OSER1: variants seen among roughly 807,000 people sequenced by gnomAD.
OSER1 encodes the protein oxidative stress responsive serine rich 1.
A neutral mutation model predicts 26.3 loss-of-function variants in OSER1; 15 were observed. That is an observed-to-expected ratio of 0.57 (90% confidence interval 0.38 to 0.88). The LOEUF (loss-of-function observed/expected upper bound fraction) is 0.88, where lower values mean the gene tolerates loss of function less well. Ranked by LOEUF, OSER1 falls within the 40% of genes least tolerant of loss-of-function variation. The probability of loss-of-function intolerance (pLI) is 0.00; values close to 1 mark genes in which losing one functional copy is unlikely to be tolerated. For synonymous variants in OSER1, 127 were observed against 128.2 expected, an observed-to-expected ratio of 0.99 and a Z score of 0.07; for missense variants, 313 against 353.9, an observed-to-expected ratio of 0.88 and a Z score of 0.93.
intron 1 of OSER1, chr20:44,207,544 T>G (rs1266252197): frequency 6.6e-6 from 1 of 152,326 alleles, no homozygotes; most frequent in Non-Finnish European, 1.5e-5. Flanking sequence ...GAATTAGAAA[T>G]GCACTCTACC....
At chr20:44,201,269 T>C (rs1171400026) in intron 3 of OSER1, among the ~76,000 whole-genome samples, 1 of 152,202 alleles carries the variant, frequency 6.6e-6, no homozygotes, top group Non-Finnish European at 1.5e-5. Flanking sequence ...CACTATACCA[T>C]TCTGTCTAAC....
rs1279155269 is a variant in OSER1 at position 44,209,304 on chromosome 20, C to G, written c.-42+1392G>C. Among the ~76,000 whole-genome samples, 3 of 152,158 alleles carry G rather than the reference C, an allele frequency of 2.0e-5. No homozygotes were observed. The East Asian group carries it at 5.8e-4, about 29-fold the overall frequency. Reference sequence around the variant, plus strand: ...GTCTAAACCATTTTCAGACTTCCAGCATTTTTTTACTACTCACTTTTTTTC... The same window carrying G: ...GTCTAAACCATTTTCAGACTTCCAGGATTTTTTTACTACTCACTTTTTTTC... On this transcript the variant is annotated intron_variant, in intron 1 of 3. Transcript: ENST00000255174.
chr20:44,203,544 A>C (rs907990831), intron 2 of OSER1, among the ~76,000 whole-genome samples: 3 of 152,236 alleles, frequency 2.0e-5, no homozygotes, highest in African/African-American at 7.2e-5. Context: ...ACTCAGAGTT[A>C]AATCCTTGCG....
chr20:44,207,824 T>A lies in OSER1; in HGVS notation c.-41-826A>T, dbSNP rs568019597. Among the ~76,000 whole-genome samples the A allele has an allele frequency of 2.5e-3, 377 of 152,318 alleles. 2 individuals carry two copies. Among genetic ancestry groups the A allele is most frequent in the Admixed American group, 0.011 (162 of 15,296 alleles). On this transcript the variant is annotated intron_variant, in intron 1 of 3. Transcript: ENST00000255174. ...GTTTGATTAATCAAAGTCCTCCATA[T>A]TTTCCACCTGATTTTTATATTTAAA...
At chr20:44,207,419 TTAAGTA>T (rs1406139393) in intron 1 of OSER1, 3 of 157,356 alleles carry the variant, frequency 1.9e-5, no homozygotes, top group Admixed American at 6.2e-5. Context: ...CTAACCCTAG[TTAAGTA>T]TAACTTTCAT....
intron 2 of OSER1, among the ~76,000 whole-genome samples, chr20:44,205,418 T>G (rs758871537): frequency 6.6e-6 from 1 of 152,164 alleles, no homozygotes; most frequent in Non-Finnish European, 1.5e-5. Context: ...TAGAAAACCA[T>G]CAGGAGGAAA....
chr20:44,210,050 G>C (rs1436429360), intron 1 of OSER1: 3 of 152,286 alleles, frequency 2.0e-5, no homozygotes, highest in Non-Finnish European at 2.9e-5. Flanking sequence ...TACTCGCAGC[G>C]CTGCAGCCAA....
intron 2 of OSER1, among the ~76,000 whole-genome samples, chr20:44,204,610 G>C (rs1252897711): frequency 6.6e-6 from 1 of 152,244 alleles, no homozygotes; most frequent in East Asian, 1.9e-4. Flanking sequence ...AGTGAACACA[G>C]TACCCTATAG....
chr20:44,209,594 A>G (rs1053024951), intron 1 of OSER1, among the ~76,000 whole-genome samples: 1 of 146,290 alleles, frequency 6.8e-6, no homozygotes, highest in Non-Finnish European at 1.5e-5. Flanking sequence ...TGAAACTTTA[A>G]AAAGCCTATT....
intron 3 of OSER1, among the ~76,000 whole-genome samples, chr20:44,201,552 A>T (rs6031450): frequency 0.77 from 117,358 of 152,024 alleles, 46,272 homozygotes; most frequent in African/African-American, 0.92. Flanking sequence ...AGGAAAGAAG[A>T]TATAAGCAAA....
At chr20:44,205,660 G>A (rs953837865) in intron 2 of OSER1, among the ~76,000 whole-genome samples, 2 of 151,850 alleles carry the variant, frequency 1.3e-5, no homozygotes, top group Non-Finnish European at 2.9e-5. Context: ...GAGGTTCTGG[G>A]CCAGACGCAG....
chr20:44,209,476 C>A (rs2073074866), intron 1 of OSER1, among the ~76,000 whole-genome samples: 1 of 152,192 alleles, frequency 6.6e-6, no homozygotes, highest in Non-Finnish European at 1.5e-5. Context: ...TAACTCCGGA[C>A]AACAGATATA....
chr20:44,197,479 C>G lies in OSER1; in HGVS notation c.452G>C (p.Arg151Thr). 3 of 1,614,164 alleles carry G rather than the reference C, an allele frequency of 1.9e-6. No homozygotes were observed. Among genetic ancestry groups the G allele is most frequent in the South Asian group, 1.1e-5 (1 of 91,084 alleles). ...NHTGAVVEPLRTSVPRLPSES... is the reference protein window; with the variant it reads ...NHTGAVVEPLTTSVPRLPSES... ...TGATGGGAGCCTTGGAACAGAAGTT[C>G]TCAAAGGCTCAACGACTGCCCCTGT... Residue 151 changes from arginine to threonine, a missense_variant, in exon 4 of 4, where the codon AGA (arginine) becomes ACA (threonine). Transcript: ENST00000255174.
Position 44,196,856 on chromosome 20 carries a change from T to G in OSER1, c.*196A>C. ...GGATTTTTCTTTGATCTGCTCGCCT[T>G]GAAGTGTATGTAAGAACTCAAGAGA... On this transcript the variant is annotated 3_prime_UTR_variant, in exon 4 of 4. Coordinates refer to ENST00000255174, the MANE Select transcript of OSER1 (RefSeq NM_016470.8). 1.8e-6 allele frequency: 1 copy of G among 546,198 alleles called. No homozygotes were observed. The highest frequency in any genetic ancestry group is 2.5e-5 in the South Asian group (1 of 39,516). The allele number at this position is 546,198 out of a possible 1,614,324, so 33.8% of individuals were successfully genotyped here.
At chr20:44,206,839 G>C in intron 2 of OSER1, 42 bp downstream of exon 2, 1 of 836,676 alleles carries the variant, frequency 1.2e-6, no homozygotes, top group South Asian at 1.5e-5. Context: ...TTTAAAATAA[G>C]TAAACAAATA....
intron 3 of OSER1, among the ~76,000 whole-genome samples, chr20:44,201,900 AG>A (rs1260199701): frequency 6.6e-6 from 1 of 152,252 alleles, no homozygotes; most frequent in Admixed American, 6.5e-5. Flanking sequence ...AGAAAAAAGC[AG>A]GACAAATAAA....
At chr20:44,197,994 A>G (rs1289861685) in intron 3 of OSER1, among the ~76,000 whole-genome samples, 1 of 152,184 alleles carries the variant, frequency 6.6e-6, no homozygotes, top group African/African-American at 2.4e-5. Context: ...CCTGGGCCAA[A>G]CATTTGGGAC....
At chr20:44,207,616 TAAAC>T (rs940768653) in intron 1 of OSER1, 1 of 152,140 alleles carries the variant, frequency 6.6e-6, no homozygotes, top group African/African-American at 2.4e-5. Context: ...AATTAATTGT[TAAAC>T]AAGAAAGAAA....
In OSER1 at chr20:44,196,219, T is replaced by A. The variant is rs111888271; in HGVS notation, c.*833A>T. 9.4e-3 allele frequency among the ~76,000 whole-genome samples: 1,401 copies of A among 148,282 alleles called. 20 individuals are homozygous for A. Among genetic ancestry groups the A allele is most frequent in the African/African-American group, 0.033 (1,345 of 40,382 alleles). ...AAATTCTCTTTTAGGGTTGCTGGGG[T>A]GACAGGGCAGCTCAAAGAGGTAACC... is the stretch of plus-strand genomic sequence containing the variant. On this transcript the variant is annotated 3_prime_UTR_variant, in exon 4 of 4. Coordinates refer to ENST00000255174, the MANE Select transcript of OSER1 (RefSeq NM_016470.8).
Sources: allele counts gnomAD v4.1 joint callset (sites outside exome capture counted in the v4.1 genomes callset), GRCh38; gene constraint gnomAD v4.1.1; transcripts MANE v1.5; gene names NCBI Gene and HGNC (gene_info 2026-07-23, HGNC 2026-07-21).